FGF12: variants seen among roughly 807,000 people sequenced by gnomAD.
The protein encoded by FGF12 is fibroblast growth factor 12B.
In FGF12, 14 loss-of-function variants were observed where a neutral mutation model predicts 23.6. The ratio of observed to expected loss-of-function variants is 0.59; its 90% CI spans 0.39 to 0.93. The LOEUF is 0.93. Ranked by LOEUF, FGF12 falls within the 40% of genes least tolerant of loss-of-function variation. The pLI, the probability that FGF12 is intolerant of heterozygous loss-of-function variation, is 0.00. For synonymous variants in FGF12, 62 were observed against 77.3 expected, an observed-to-expected ratio of 0.80 and a Z score of 1.04; for missense variants, 175 against 217.8, an observed-to-expected ratio of 0.80 and a Z score of 1.24.
rs573446533 is a variant in FGF12 at position 192,620,032 on chromosome 3, C to T, written c.13+107149G>A. Among the ~76,000 whole-genome samples the T allele has an allele frequency of 4.6e-5, 7 of 152,200 alleles. No homozygotes were observed. The East Asian group carries it at 1.4e-3, about 30-fold the overall frequency. ...CCGGGATACCCTGTGGTCATTTGTG[C>T]TCAGTGGGCGAGAAGAGCTTACTGG... On this transcript the variant is annotated intron_variant, in intron 2 of 5. Coordinates refer to ENST00000445105, the MANE Select transcript of FGF12 (RefSeq NM_004113.6).
chr3:192,509,257 G>A (rs936101838), intron 2 of FGF12, among the ~76,000 whole-genome samples: 1 of 152,234 alleles, frequency 6.6e-6, no homozygotes, highest in African/African-American at 2.4e-5. Flanking sequence ...GCTTAACACA[G>A]AGTCGGGCAA....
At chr3:192,579,887 A>G (rs1305703044) in intron 2 of FGF12, among the ~76,000 whole-genome samples, 1 of 152,184 alleles carries the variant, frequency 6.6e-6, no homozygotes, top group African/African-American at 2.4e-5. Flanking sequence ...TTATTCTTCT[A>G]AGAGCCTCAA....
intron 2 of FGF12, among the ~76,000 whole-genome samples, chr3:192,566,782 T>G (rs1268086880): frequency 6.6e-6 from 1 of 152,214 alleles, no homozygotes; most frequent in African/African-American, 2.4e-5. Context: ...AAAATTACTT[T>G]TTACCCTGAA....
At chr3:192,380,090 C>A (rs541722201) in intron 2 of FGF12, among the ~76,000 whole-genome samples, 219 of 152,162 alleles carry the variant, frequency 1.4e-3, no homozygotes, top group Non-Finnish European at 2.8e-3. Flanking sequence ...AAAGGCTATG[C>A]CAGAAATCTC....
intron 2 of FGF12, among the ~76,000 whole-genome samples, chr3:192,717,517 C>G (rs1419763739): frequency 6.6e-6 from 1 of 152,072 alleles, no homozygotes; most frequent in Non-Finnish European, 1.5e-5. Flanking sequence ...GAATAAAGAG[C>G]TTTTTTAAGT....
intron 4 of FGF12, chr3:192,268,753 A>G: frequency 2.3e-6 from 1 of 434,260 alleles, no homozygotes; most frequent in Admixed American, 2.5e-5. Context: ...CAGAACTGTG[A>G]GCCGATCAAA....
At chr3:192,322,430 A>G (rs1716594549) in intron 4 of FGF12, among the ~76,000 whole-genome samples, 1 of 152,074 alleles carries the variant, frequency 6.6e-6, no homozygotes. Flanking sequence ...CTTTATCATA[A>G]TACTAACAAC....
chr3:192,144,529 C>T (rs1449174081), intron 5 of FGF12, among the ~76,000 whole-genome samples: 1 of 152,112 alleles, frequency 6.6e-6, no homozygotes, highest in Non-Finnish European at 1.5e-5. Flanking sequence ...AATCTTTACC[C>T]TACCATAGGA....
chr3:192,341,769 T>C (rs957334192), intron 3 of FGF12, among the ~76,000 whole-genome samples: 1 of 152,202 alleles, frequency 6.6e-6, no homozygotes, highest in African/African-American at 2.4e-5. Context: ...CATTTTGATA[T>C]GCGAAATGTC....
At chr3:192,497,674 C>A (rs1171405817) in intron 2 of FGF12, among the ~76,000 whole-genome samples, 1 of 152,192 alleles carries the variant, frequency 6.6e-6, no homozygotes, top group Non-Finnish European at 1.5e-5. Context: ...TTCCTTCCAG[C>A]TGGGATACAC....
At chr3:192,467,510 T>C (rs1723046200) in intron 2 of FGF12, among the ~76,000 whole-genome samples, 1 of 152,074 alleles carries the variant, frequency 6.6e-6, no homozygotes, top group East Asian at 1.9e-4. Context: ...CCTAGAGCAC[T>C]GTGCTGAAGA....
At chr3:192,708,492 A>G (rs948650856) in intron 2 of FGF12, among the ~76,000 whole-genome samples, 11 of 152,220 alleles carry the variant, frequency 7.2e-5, no homozygotes, top group African/African-American at 2.2e-4. Context: ...CTTCTATTGT[A>G]TACTTAACAT....
At chr3:192,173,170 T>C (rs957821338) in intron 4 of FGF12, among the ~76,000 whole-genome samples, 3 of 150,842 alleles carry the variant, frequency 2.0e-5, no homozygotes, top group East Asian at 1.9e-4. Flanking sequence ...GACTGTTTTG[T>C]TGGAGGGATG....
At chr3:192,692,394 C>A (rs1236945766) in intron 2 of FGF12, among the ~76,000 whole-genome samples, 1 of 152,092 alleles carries the variant, frequency 6.6e-6, no homozygotes, top group Non-Finnish European at 1.5e-5. Flanking sequence ...ACCACTTTAA[C>A]AATATAAAAG....
chr3:192,425,665 C>T lies in FGF12; in HGVS notation c.14-65127G>A, dbSNP rs535614000. 3.9e-5 allele frequency among the ~76,000 whole-genome samples: 6 copies of T among 152,140 alleles called. No individual in the cohort carries two copies. In the South Asian group the frequency reaches 1.2e-3, roughly 32 times the overall value. On this transcript the variant is annotated intron_variant, in intron 2 of 5. Coordinates refer to ENST00000445105, the MANE Select transcript of FGF12 (RefSeq NM_004113.6). ...ATATATGGAGATATATGATAGAAAT[C>T]ATAATAAATCACTAGCGAATAGAAT...
chr3:192,199,415 A>AG (rs2108659487), intron 4 of FGF12, among the ~76,000 whole-genome samples: 1 of 152,296 alleles, frequency 6.6e-6, no homozygotes, highest in African/African-American at 2.4e-5. Context: ...TCCGTATTTG[A>AG]GATTTCTTAC....
intron 2 of FGF12, among the ~76,000 whole-genome samples, chr3:192,457,968 G>A (rs1722731879): frequency 6.6e-6 from 1 of 152,320 alleles, no homozygotes; most frequent in South Asian, 2.1e-4. Flanking sequence ...CTCCAACTGT[G>A]GCTAAAAGTG....
At chr3:192,236,672 A>G (rs964005281) in intron 4 of FGF12, among the ~76,000 whole-genome samples, 1 of 152,148 alleles carries the variant, frequency 6.6e-6, no homozygotes, top group African/African-American at 2.4e-5. Flanking sequence ...TAATAGCCAC[A>G]CCTGCTCTTT....
intron 2 of FGF12, among the ~76,000 whole-genome samples, chr3:192,542,797 C>A (rs952853072): frequency 5.3e-5 from 8 of 152,040 alleles, no homozygotes; most frequent in Non-Finnish European, 1.0e-4. Flanking sequence ...TGGATCAGAT[C>A]TGGAAGAATT....
Sources: allele counts gnomAD v4.1 joint callset (sites outside exome capture counted in the v4.1 genomes callset), GRCh38; gene constraint gnomAD v4.1.1; transcripts MANE v1.5; gene names NCBI Gene and HGNC (gene_info 2026-07-23, HGNC 2026-07-21).